CACNB1: variants seen among roughly 807,000 people sequenced by gnomAD.
The protein encoded by CACNB1 is voltage-dependent L-type calcium channel subunit beta-1.
Under a neutral mutation model 71.6 loss-of-function variants are expected in CACNB1, and 29 were observed. The ratio of observed to expected loss-of-function variants is 0.40; its 90% CI spans 0.30 to 0.55. The LOEUF (loss-of-function observed/expected upper bound fraction) is 0.55, where lower values mean the gene tolerates loss of function less well. Ranked by LOEUF, CACNB1 falls within the 20% of genes least tolerant of loss-of-function variation. CACNB1 has a pLI of 0.38. For missense variants in CACNB1, 623 were observed against 801.8 expected (o/e 0.78, Z 2.69); for synonymous variants, 300 against 319.6 (o/e 0.94, Z 0.65).
intron 2 of CACNB1, chr17:39,193,439 C>G (rs2046135282): frequency 4.4e-6 from 2 of 452,452 alleles, no homozygotes; most frequent in African/African-American, 4.0e-5. Flanking sequence ...CCACTCCATC[C>G]CCAGCTCACC....
In CACNB1 at chr17:39,175,951, T is replaced by C. The variant is rs1490809125; in HGVS notation, c.1333-294A>G. Among the ~76,000 whole-genome samples, 2 of 152,198 alleles carry C rather than the reference T, an allele frequency of 1.3e-5. No homozygotes were observed. The highest frequency in any genetic ancestry group is 2.9e-5 in the Non-Finnish European group (2 of 68,038). ...CCGTGAGCCATGAGTCACCGCTTCC[T>C]CAGTGCAGGTCATTAATGCTATCTT... On this transcript the variant is annotated intron_variant, in intron 13 of 13. Transcript: ENST00000394303. This position sits in a 1 kb window ranked among gnomAD's most constrained non-coding sequence, Gnocchi z 4.7.
intron 11 of CACNB1, chr17:39,178,363 C>T: frequency 7.2e-6 from 2 of 276,382 alleles, no homozygotes; most frequent in South Asian, 7.7e-5. Flanking sequence ...GTTTGTAGGC[C>T]CGCCCACTCT....
chr17:39,190,573 G>A lies in CACNB1; in HGVS notation c.291+901C>T, dbSNP rs185776800. On this transcript the variant is annotated intron_variant, in intron 3 of 13. Coordinates refer to ENST00000394303, the MANE Select transcript of CACNB1 (RefSeq NM_000723.5). ...CTCCCGAGTAATTGGGATTACAGGCGTACACCACCACACCCAGCTACGTTT... is the reference window on the plus strand; with the variant it reads ...CTCCCGAGTAATTGGGATTACAGGCATACACCACCACACCCAGCTACGTTT... Among the ~76,000 whole-genome samples, 174 of 151,926 alleles carry A rather than the reference G, an allele frequency of 1.1e-3. 2 individuals are homozygous for A. The South Asian group carries it at 0.012, about 11-fold the overall frequency.
intron 1 of CACNB1, among the ~76,000 whole-genome samples, chr17:39,197,199 G>A (rs918235277): frequency 6.6e-6 from 1 of 151,902 alleles, no homozygotes; most frequent in Non-Finnish European, 1.5e-5. Context: ...GTGACAGGCA[G>A]CCCACCCGCC....
intron 2 of CACNB1, chr17:39,193,104 G>T: frequency 4.8e-6 from 1 of 208,496 alleles, no homozygotes; most frequent in Non-Finnish European, 1.0e-5. Context: ...AGGCATACGC[G>T]CGCACACACT....
At chr17:39,178,148 G>T in intron 11 of CACNB1, 69 bp from the exon 12 acceptor site, 1 of 1,191,474 alleles carries the variant, frequency 8.4e-7, no homozygotes, top group Non-Finnish European at 1.3e-6. Context: ...TCAGAGAGGC[G>T]GGTCCTGGTT....
At chr17:39,177,871 C>A in intron 12 of CACNB1, 113 bp downstream of exon 12, 1 of 856,946 alleles carries the variant, frequency 1.2e-6, no homozygotes, top group Non-Finnish European at 2.0e-6. Flanking sequence ...AGTCTGCACC[C>A]ACAGGCCTGA....
Position 39,174,585 on chromosome 17 carries a change from G to C in CACNB1, c.*608C>G, listed in dbSNP as rs1298363205. The C allele has an allele frequency of 6.5e-6, 1 of 152,736 alleles. No individual in the cohort carries two copies. The highest frequency in any genetic ancestry group is 2.4e-5 in the African/African-American group (1 of 41,416). 9.5% of individuals were successfully genotyped at this position (152,736 alleles called of 1,614,324 possible). A position where few individuals can be genotyped will look rare whatever the true frequency, so the allele number is the denominator to read the frequency against. On this transcript the variant is annotated 3_prime_UTR_variant, in exon 14 of 14. Coordinates refer to ENST00000394303, the MANE Select transcript of CACNB1 (RefSeq NM_000723.5). ...CTGGACGTTGCCATGGCCACGGAGGGTAGAGGGTGCTGTATGCCTGCCAGC... is the reference window on the plus strand; with the variant it reads ...CTGGACGTTGCCATGGCCACGGAGGCTAGAGGGTGCTGTATGCCTGCCAGC...
At chr17:39,179,775 A>T (rs2045701885) in intron 11 of CACNB1, among the ~76,000 whole-genome samples, 2 of 151,686 alleles carry the variant, frequency 1.3e-5, no homozygotes, top group Admixed American at 1.3e-4. Flanking sequence ...TTGGCGTGGT[A>T]GCACATGCCT....
At chr17:39,197,278 T>TG (rs533693650) in intron 1 of CACNB1, 134 bp downstream of exon 1, 371 of 417,550 alleles carry the variant, frequency 8.9e-4, no homozygotes, top group African/African-American at 5.6e-3. Flanking sequence ...CCTGCAAGGA[T>TG]GGGGGGCGCG....
In CACNB1 at chr17:39,175,424, C is replaced by T. The variant is rs898677156; in HGVS notation, c.1566G>A (p.Met522Ile). Residue 522 changes from methionine to isoleucine, a missense_variant, in exon 14 of 14, where the codon ATG (methionine) becomes ATA (isoleucine). Coordinates refer to ENST00000394303, the MANE Select transcript of CACNB1 (RefSeq NM_000723.5). This position sits in a 1 kb window ranked among gnomAD's most constrained non-coding sequence, Gnocchi z 4.7. Reference sequence around the variant, plus strand: ...CTGGCCCCTCTGAGGGGTCAGTCTCCATGTCCACACATGAGTCTCCCAGCT... The same window carrying T: ...CTGGCCCCTCTGAGGGGTCAGTCTCTATGTCCACACATGAGTCTCCCAGCT... ...YTELGDSCVD[M>I]ETDPSEGPGL... 2 of 1,614,132 alleles carry T rather than the reference C, an allele frequency of 1.2e-6. No homozygotes were observed. The highest frequency in any genetic ancestry group is 2.2e-5 in the East Asian group (1 of 44,892).
chr17:39,181,650 G>T (rs1036898411), intron 11 of CACNB1, among the ~76,000 whole-genome samples: 2 of 152,096 alleles, frequency 1.3e-5, no homozygotes, highest in Non-Finnish European at 2.9e-5. Flanking sequence ...ATCTCATTTG[G>T]TCCTTTCAAC....
intron 13 of CACNB1, among the ~76,000 whole-genome samples, chr17:39,176,750 G>A (rs754634584): frequency 6.6e-6 from 1 of 152,172 alleles, no homozygotes; most frequent in African/African-American, 2.4e-5. Flanking sequence ...AGGAGGGCAA[G>A]GCAGGATGGG....
rs749672032 is a variant in CACNB1 at position 39,194,839 on chromosome 17, C to T, written c.171+45G>A. On this transcript the variant is annotated intron_variant, in intron 2 of 13. Transcript: ENST00000394303. This position sits in a 1 kb window ranked among gnomAD's most constrained non-coding sequence, Gnocchi z 4.6. ...GACCTGGCTCACCAATGCTGGTCTC[C>T]ACCAACCAGCCACCTCCCTCCTCTC... 3 of 1,365,402 alleles carry T rather than the reference C, an allele frequency of 2.2e-6. No individual in the cohort carries two copies. The South Asian group carries it at 3.7e-5, about 17-fold the overall frequency. 84.6% of individuals were successfully genotyped at this position (1,365,402 alleles called of 1,614,324 possible). A position where few individuals can be genotyped will look rare whatever the true frequency, so the allele number is the denominator to read the frequency against.
In CACNB1 at chr17:39,184,883, AG is replaced by A; in HGVS notation, c.649-20del. Reference sequence around the variant, plus strand: ...GCTCTGTCTGGGGGGGGAAGCAGGGAGGGGAAACCCCAGAGTGGAGATGACA... The same window carrying A: ...GCTCTGTCTGGGGGGGGAAGCAGGGAGGGAAACCCCAGAGTGGAGATGACA... On this transcript the variant is annotated intron_variant, in intron 7 of 13. Transcript: ENST00000394303. The A allele has an allele frequency of 6.8e-7, 1 of 1,468,112 alleles. No individual in the cohort carries two copies. The highest frequency in any genetic ancestry group is 9.6e-7 in the Non-Finnish European group (1 of 1,047,032). 90.9% of individuals were successfully genotyped at this position (1,468,112 alleles called of 1,614,324 possible).
chr17:39,183,221 A>G (rs1199822739), intron 11 of CACNB1, among the ~76,000 whole-genome samples: 1 of 152,072 alleles, frequency 6.6e-6, no homozygotes, highest in East Asian at 1.9e-4. Context: ...AGTCCCAGCT[A>G]CGTGGGAGGC....
chr17:39,185,132 G>A lies in CACNB1; in HGVS notation c.647C>T (p.Ser216Leu), dbSNP rs369207893. ...GACACAGAAAGCTGTGATACTCACC[G>A]ACTTCTGCTTCTGTTTGGCTGGGTC... ...PPASAKQKQKSTEHVPPYDVV... is the reference protein window; with the variant it reads ...PPASAKQKQKLTEHVPPYDVV... Residue 216 changes from serine (S) to leucine (L), a missense_variant and splice_region_variant, in exon 7 of 14, where the codon TCG (serine) becomes TTG (leucine). Transcript: ENST00000394303. 23 of 1,613,632 alleles carry A rather than the reference G, an allele frequency of 1.4e-5. No individual in the cohort carries two copies. The highest frequency in any genetic ancestry group is 4.0e-5 in the African/African-American group (3 of 74,872).
intron 2 of CACNB1, 49 bp from the exon 3 acceptor site, chr17:39,191,642 C>T: frequency 6.3e-7 from 1 of 1,586,130 alleles, no homozygotes; most frequent in South Asian, 1.2e-5. Context: ...CCTCCCAGCT[C>T]CTGGGCCTGG....
Position 39,186,933 on chromosome 17 carries a change from C to A in CACNB1, c.415-4G>T. 1 of 1,613,976 alleles carries A rather than the reference C, an allele frequency of 6.2e-7. No individual in the cohort carries two copies. Among genetic ancestry groups the A allele is most frequent in the Non-Finnish European group, 8.5e-7 (1 of 1,179,890 alleles). ...TCCACCAGTCATTATTGTATTTCTG[C>A]AAAGAATATGGCAGGTGGGTGGAAA... On this transcript the variant is annotated splice_polypyrimidine_tract_variant and splice_region_variant and intron_variant, in intron 4 of 13. Transcript: ENST00000394303. This position sits in a 1 kb window ranked among gnomAD's most constrained non-coding sequence, Gnocchi z 4.1.
Sources: gnomAD v4.1 joint callset for allele counts (sites outside exome capture counted in the v4.1 genomes callset) on GRCh38, gnomAD v4.1.1 for gene constraint, Gnocchi (gnomAD v3.1) non-coding constraint, MANE v1.5 for transcripts, NCBI Gene and HGNC (gene_info 2026-07-23, HGNC 2026-07-21) for gene names.